Variants in ATAD5 observed in about 807,000 individuals in gnomAD.
ATAD5 encodes ATPase family AAA domain containing 5, also known as ATPase family AAA domain-containing protein 5.
ATAD5 carries 58 observed loss-of-function variants against 176.9 expected under a neutral mutation model. The observed-to-expected ratio is 0.33, with a 90% CI of 0.27 to 0.41. The LOEUF (loss-of-function observed/expected upper bound fraction) is 0.41. ATAD5 is among the 10% of genes least tolerant of loss of function. The pLI is 1.00. For synonymous variants in ATAD5, 640 were observed against 712.6 expected, an observed-to-expected ratio of 0.90 and a Z score of 1.62; for missense variants, 1,789 against 2,094.1, an observed-to-expected ratio of 0.85 and a Z score of 2.84.
rs889253388 is a variant in ATAD5, at chr17:30,880,104, C to A, written c.4077+617C>A. Reference sequence around the variant, plus strand: ...ATTGCTTGAGCTCTGGAGTTCGAGACTAGCTTGGGCAACATGGCAAAACCC... The same window carrying A: ...ATTGCTTGAGCTCTGGAGTTCGAGAATAGCTTGGGCAACATGGCAAAACCC... On this transcript the variant is annotated intron_variant, in intron 18 of 22. Coordinates refer to ENST00000321990, the MANE Select transcript of ATAD5 (RefSeq NM_024857.5). Among the ~76,000 whole-genome samples, 3 of 151,560 alleles carry A rather than the reference C, an allele frequency of 2.0e-5. No individual in the cohort carries two copies. In the East Asian group the frequency reaches 5.9e-4, roughly 30 times the overall value.
chr17:30,855,479 A>G, intron 7 of ATAD5, 152 bp downstream of exon 7: 2 of 839,362 alleles, frequency 2.4e-6, no homozygotes, highest in Non-Finnish European at 3.5e-6. Flanking sequence ...CTCACTATCC[A>G]TGGGGTTTGA....
Position 30,876,429 on chromosome 17 carries a change from A to G in ATAD5, c.3663A>G (p.Pro1221=), listed in dbSNP as rs747467214. ...CATCACCAAGAAAAGTTCCTCCACC[A>G]TCACCAAAAAGTAGTGGACCAAAGC... ...VVTSPRKVPP[P]SPKSSGPKRA... Residue 1221 remains proline (P), a synonymous_variant, in exon 15 of 23, where the codon CCA becomes CCG. Coordinates refer to ENST00000321990, the MANE Select transcript of ATAD5 (RefSeq NM_024857.5). 6.2e-7 allele frequency: 1 copy of G among 1,607,532 alleles called. No individual in the cohort carries two copies. Among genetic ancestry groups the G allele is most frequent in the African/African-American group, 1.3e-5 (1 of 74,640 alleles).
At chr17:30,842,137 C>T (rs1394963374) in intron 4 of ATAD5, among the ~76,000 whole-genome samples, 1 of 151,776 alleles carries the variant, frequency 6.6e-6, no homozygotes, top group African/African-American at 2.4e-5. Flanking sequence ...GGCATGGTGG[C>T]GCGAGCCCGT....
chr17:30,878,735 T>TTTTTTG (rs1908831773), intron 17 of ATAD5, among the ~76,000 whole-genome samples: 1 of 129,472 alleles, frequency 7.7e-6, no homozygotes, highest in African/African-American at 3.0e-5. Flanking sequence ...TTTTTTTTTT[T>TTTTTTG]TTTTTTTTTT....
intron 14 of ATAD5, among the ~76,000 whole-genome samples, chr17:30,875,795 C>CAA (rs55820733): frequency 2.4e-4 from 30 of 124,580 alleles, no homozygotes; most frequent in East Asian, 1.4e-3. Flanking sequence ...GACCCTGACT[C>CAA]AAAAAAAAAA....
At chr17:30,861,037 G>A (rs1018094265) in intron 10 of ATAD5, among the ~76,000 whole-genome samples, 4 of 151,186 alleles carry the variant, frequency 2.6e-5, no homozygotes, top group Non-Finnish European at 4.4e-5. Context: ...ACTCCTGACC[G>A]CATTATTCAC....
intron 18 of ATAD5, among the ~76,000 whole-genome samples, chr17:30,885,720 A>T (rs1218085169): frequency 7.7e-6 from 1 of 129,692 alleles, no homozygotes; most frequent in Non-Finnish European, 1.6e-5. Flanking sequence ...TGCAACCTCC[A>T]CCTCCCGGGT....
At chr17:30,842,102 T>C (rs1332535687) in intron 4 of ATAD5, among the ~76,000 whole-genome samples, 1 of 151,684 alleles carries the variant, frequency 6.6e-6, no homozygotes, top group African/African-American at 2.4e-5. Context: ...AACCCCGTCT[T>C]TACTAAAAAT....
At chr17:30,846,474 C>T (rs1906513319) in intron 6 of ATAD5, among the ~76,000 whole-genome samples, 1 of 150,026 alleles carries the variant, frequency 6.7e-6, no homozygotes, top group Non-Finnish European at 1.5e-5. Flanking sequence ...GTGATCTCGG[C>T]TCACTGCAAC....
intron 14 of ATAD5, among the ~76,000 whole-genome samples, chr17:30,870,206 C>T (rs1311568267): frequency 6.6e-6 from 1 of 152,248 alleles, no homozygotes; most frequent in Non-Finnish European, 1.5e-5. Flanking sequence ...TTGTTCAAAT[C>T]TGGATCCAAA....
intron 11 of ATAD5, 106 bp downstream of exon 11, chr17:30,865,906 C>CA: frequency 3.4e-6 from 2 of 584,076 alleles, no homozygotes; most frequent in Non-Finnish European, 5.4e-6. Flanking sequence ...ATAAAATCTT[C>CA]AAAAAACTGG....
Position 30,835,351 on chromosome 17 carries a change from G to C in ATAD5, c.1270G>C (p.Asp424His). Residue 424 changes from aspartate to histidine, a missense_variant, in exon 2 of 23, where the codon GAT becomes CAT. Asp to His is a moderately conservative substitution (Grantham distance 81, BLOSUM62 -1). Coordinates refer to ENST00000321990, the MANE Select transcript of ATAD5 (RefSeq NM_024857.5). Reference protein sequence around the residue: ...ALKNGVKKSSDKQKDLNEKCL... With the variant: ...ALKNGVKKSSHKQKDLNEKCL... Reference sequence around the variant, plus strand: ...TAAAAATGGAGTTAAAAAGTCTTCTGATAAGCAGAAAGACCTTAATGAAAA... The same window carrying C: ...TAAAAATGGAGTTAAAAAGTCTTCTCATAAGCAGAAAGACCTTAATGAAAA... 7 of 1,613,012 alleles carry C rather than the reference G, an allele frequency of 4.3e-6. No homozygotes were observed. Among genetic ancestry groups the C allele is most frequent in the Non-Finnish European group, 5.9e-6 (7 of 1,179,666 alleles).
intron 2 of ATAD5, 123 bp downstream of exon 2, chr17:30,836,171 A>C: frequency 1.1e-6 from 1 of 887,904 alleles, no homozygotes; most frequent in South Asian, 2.7e-5. Context: ...AAGAAAAAGA[A>C]CAGGATTTCT....
At position 30,835,432 on chromosome 17, in the gene ATAD5, G is replaced by A. The variant is rs1487007275; in HGVS notation, c.1351G>A (p.Gly451Ser). 3 of 1,611,350 alleles carry A rather than the reference G, an allele frequency of 1.9e-6. No individual in the cohort carries two copies. Among genetic ancestry groups the A allele is most frequent in the East Asian group, 2.2e-5 (1 of 44,848 alleles). ...TTCTAAAAAAATCATGGAAAATTCT[G>A]GTATCCAAATGGTTTCAAAAAATGG... Reference protein sequence around the residue: ...DNSKKIMENSGIQMVSKNGNL... With the variant: ...DNSKKIMENSSIQMVSKNGNL... The change falls in exon 2 of 23, where the codon GGT (glycine) becomes AGT (serine). Residue 451 changes from glycine to serine, a missense_variant. Physicochemically the swap from Gly to Ser is moderately conservative, Grantham distance 56. Transcript: ENST00000321990.
chr17:30,889,886 C>CTTTTTT (rs60266614), intron 19 of ATAD5, among the ~76,000 whole-genome samples: 48 of 95,672 alleles, frequency 5.0e-4, no homozygotes, highest in Non-Finnish European at 6.2e-4. Context: ...TCTTTTCTTT[C>CTTTTTT]TTTTTTTTTT....
Position 30,835,043 on chromosome 17 carries a change from C to T in ATAD5, c.962C>T (p.Thr321Ile), listed in dbSNP as rs1905629812. ...ATTTCCCAGCAGGTACGCTTTAAGA[C>T]AGTTACTGTTCTTGCACAGGTTCAC... ...SEISQQVRFK[T>I]VTVLAQVHPI... is the part of the protein sequence containing the mutation. The change falls in exon 2 of 23, where the codon ACA (threonine) becomes ATA (isoleucine). Residue 321 changes from threonine to isoleucine, a missense_variant. By Grantham distance (89) the Thr-to-Ile change is moderately conservative. This residue lies in a region of ATAD5 where 696 missense variants were observed against 712.5 expected (regional missense o/e 0.98). Coordinates refer to ENST00000321990, the MANE Select transcript of ATAD5 (RefSeq NM_024857.5). 6.2e-7 allele frequency: 1 copy of T among 1,613,878 alleles called. No homozygotes were observed. The highest frequency in any genetic ancestry group is 8.5e-7 in the Non-Finnish European group (1 of 1,179,998).
At chr17:30,857,968 C>T (rs1367647465) in intron 8 of ATAD5, among the ~76,000 whole-genome samples, 193 bp from the exon 9 acceptor site, 1 of 152,068 alleles carries the variant, frequency 6.6e-6, no homozygotes, top group Non-Finnish European at 1.5e-5. Flanking sequence ...TCTCAAACTC[C>T]TAACTTCAGA....
intron 6 of ATAD5, among the ~76,000 whole-genome samples, chr17:30,848,303 T>C (rs1906661065): frequency 6.6e-6 from 1 of 151,972 alleles, no homozygotes; most frequent in Admixed American, 6.6e-5. Context: ...TGGAGTATAG[T>C]GGCGCAATTA....
intron 9 of ATAD5, among the ~76,000 whole-genome samples, chr17:30,859,106 T>C (rs1410442288): frequency 1.3e-5 from 2 of 152,216 alleles, no homozygotes; most frequent in Non-Finnish European, 2.9e-5. Context: ...CAGACAACAT[T>C]GCTTACACTT....
Sources: gnomAD v4.1 joint callset for allele counts (sites outside exome capture counted in the v4.1 genomes callset) on GRCh38, gnomAD v4.1.1 for gene constraint, gnomAD v4.1.1 regional missense constraint, MANE v1.5 for transcripts, NCBI Gene and HGNC (gene_info 2026-07-23, HGNC 2026-07-21) for gene names.